Variants in DMD observed in about 807,000 individuals in gnomAD.
DMD encodes the protein mutant dystrophin.
DMD carries 63 observed loss-of-function variants against 330.1 expected under a neutral mutation model. That is an observed-to-expected ratio of 0.19 (90% CI 0.16 to 0.24). The LOEUF (loss-of-function observed/expected upper bound fraction) is 0.24. Ranked by LOEUF, DMD falls within the 10% of genes least tolerant of loss-of-function variation. The pLI is 1.00. For missense variants in DMD, 3,344 were observed against 2,684.1 expected (o/e 1.25, Z -5.43); for synonymous variants, 1,223 against 959.8 (o/e 1.27, Z -5.07).
intron 50 of DMD, among the ~76,000 whole-genome samples, chrX:31,776,202 A>G (rs1380738540): frequency 9.0e-6 from 1 of 111,345 alleles, no homozygotes; most frequent in African/African-American, 3.3e-5. Flanking sequence ...ATATCACTGT[A>G]GGAACTAACT....
At chrX:32,283,311 C>T (rs909017764) in intron 43 of DMD, among the ~76,000 whole-genome samples, 2 of 111,817 alleles carry the variant, frequency 1.8e-5, no homozygotes, top group African/African-American at 6.5e-5. Flanking sequence ...ATTTGTGTCA[C>T]AGCATTATTG....
intron 74 of DMD, among the ~76,000 whole-genome samples, chrX:31,151,008 G>C (rs748936915): frequency 3.6e-5 from 4 of 111,906 alleles, no homozygotes; most frequent in Non-Finnish European, 7.5e-5. Context: ...CAGCCTTCAA[G>C]GGTAGTTGTT....
chrX:32,522,273 T>C (rs1306658065), intron 17 of DMD, among the ~76,000 whole-genome samples: 1 of 112,034 alleles, frequency 8.9e-6, no homozygotes, highest in Non-Finnish European at 1.9e-5. Flanking sequence ...TGACCAAAAA[T>C]ACCGCAATAG....
At chrX:32,382,267 A>T (rs371688059) in intron 33 of DMD, among the ~76,000 whole-genome samples, 65 of 111,650 alleles carry the variant, frequency 5.8e-4, no homozygotes, top group African/African-American at 1.9e-3. Flanking sequence ...GAATTGGTTA[A>T]AACAATACCA....
intron 22 of DMD, among the ~76,000 whole-genome samples, chrX:32,471,546 T>C (rs1254571730): frequency 1.8e-5 from 2 of 112,239 alleles, no homozygotes; most frequent in Non-Finnish European, 3.8e-5. Context: ...ACATCTGTAC[T>C]AAACATGTAA....
intron 52 of DMD, among the ~76,000 whole-genome samples, chrX:31,711,703 G>T (rs955747121): frequency 4.5e-5 from 5 of 110,254 alleles, no homozygotes; most frequent in African/African-American, 1.6e-4. Context: ...AGTGACTTTA[G>T]TATTAGGAAG....
intron 1 of DMD, among the ~76,000 whole-genome samples, chrX:33,125,260 A>C (rs769528884): frequency 1.8e-5 from 2 of 111,090 alleles, no homozygotes; most frequent in East Asian, 5.6e-4. Context: ...TAACATCTGA[A>C]TTAAAATAAT....
intron 17 of DMD, among the ~76,000 whole-genome samples, chrX:32,538,074 G>A (rs1270690500): frequency 8.9e-6 from 1 of 112,209 alleles, no homozygotes; most frequent in Non-Finnish European, 1.9e-5. Flanking sequence ...CAAGCATATG[G>A]ATAGATCATT....
chrX:31,321,583 C>CAAAAAAAAAAAAAAAAAAAAAAAAAA (rs1190446358), intron 62 of DMD, among the ~76,000 whole-genome samples: 1 of 10,472 alleles, frequency 9.5e-5, no homozygotes, highest in African/African-American at 5.0e-4. Context: ...AACTCCATCT[C>CAAAAAAAAAAAAAAAAAAAAAAAAAA]AAAAAAAAAA....
intron 51 of DMD, among the ~76,000 whole-genome samples, chrX:31,773,724 C>CTTTTTTTTTTTTTTTTTTTTTTTTTTT (rs762551529): frequency 5.6e-5 from 3 of 53,555 alleles, no homozygotes; most frequent in African/African-American, 2.3e-4. Context: ...AAGGTTTCTG[C>CTTTTTTTTTTTTTTTTTTTTTTTTTTT]TTTTTTTTTT....
At chrX:32,527,555 G>C (rs113846903) in intron 17 of DMD, among the ~76,000 whole-genome samples, 61 of 108,974 alleles carry the variant, frequency 5.6e-4, no homozygotes, top group Admixed American at 4.7e-3. Flanking sequence ...GGGAAAACTT[G>C]TCCCTCTCTG....
intron 20 of DMD, among the ~76,000 whole-genome samples, chrX:32,485,734 CTTTTTTT>C (rs5902034): frequency 7.2e-4 from 26 of 36,154 alleles, no homozygotes; most frequent in Non-Finnish European, 1.2e-3. Flanking sequence ...GCAACCACTG[CTTTTTTT>C]TTTTTTTTTT....
At chrX:31,396,737 G>A (rs898915680) in intron 60 of DMD, among the ~76,000 whole-genome samples, 2 of 111,131 alleles carry the variant, frequency 1.8e-5, no homozygotes, top group Non-Finnish European at 3.8e-5. Flanking sequence ...ATTAAATAAC[G>A]CATGGGCATA....
intron 15 of DMD, among the ~76,000 whole-genome samples, chrX:32,569,463 GA>G (rs2052145199): frequency 8.9e-6 from 1 of 111,920 alleles, no homozygotes; most frequent in Non-Finnish European, 1.9e-5. Context: ...AGAATTACCT[GA>G]AAGGCTTGTT....
chrX:32,862,133 C>CA (rs1209635704), intron 2 of DMD, among the ~76,000 whole-genome samples: 5 of 110,818 alleles, frequency 4.5e-5, no homozygotes, highest in Admixed American at 1.9e-4. Flanking sequence ...TTCTCTCTAC[C>CA]AAAAAAAGCA....
chrX:33,217,506 T>G (rs1254024957), intron 1 of DMD, among the ~76,000 whole-genome samples: 1 of 111,759 alleles, frequency 8.9e-6, no homozygotes, highest in Non-Finnish European at 1.9e-5. Context: ...TTTATTAGAT[T>G]CATAAGTATT....
At chrX:31,819,662 T>C (rs2092711634) in intron 50 of DMD, among the ~76,000 whole-genome samples, 1 of 112,953 alleles carries the variant, frequency 8.9e-6, no homozygotes, top group African/African-American at 3.2e-5. Flanking sequence ...GTAGGGCTCC[T>C]GCGAGACTGG....
chrX:32,688,556 C>T (rs992187145), intron 9 of DMD, among the ~76,000 whole-genome samples: 10 of 111,615 alleles, frequency 9.0e-5, no homozygotes, highest in Non-Finnish European at 1.9e-4. Flanking sequence ...GGAGTCTTTC[C>T]CCTCTAACAC....
intron 60 of DMD, among the ~76,000 whole-genome samples, chrX:31,442,545 T>TAA (rs5901985): frequency 4.9e-5 from 5 of 102,194 alleles, no homozygotes; most frequent in African/African-American, 1.1e-4. Flanking sequence ...TAGCATTGAT[T>TAA]AAAAAAAAAA....
Sources: gnomAD v4.1 joint callset for allele counts (sites outside exome capture counted in the v4.1 genomes callset) on GRCh38, gnomAD v4.1.1 for gene constraint, MANE v1.5 for transcripts, NCBI Gene and HGNC (gene_info 2026-07-23, HGNC 2026-07-21) for gene names.